CNBD1: variants seen among roughly 807,000 people sequenced by gnomAD.
CNBD1 encodes cyclic nucleotide binding domain containing 1.
CNBD1 carries 71 observed loss-of-function variants against 54.4 expected under a neutral mutation model. That is an observed-to-expected ratio of 1.30 (90% CI 1.08 to 1.59). The LOEUF is 1.59. Ranked by LOEUF, CNBD1 falls within the 40% of genes most tolerant of loss-of-function variation. CNBD1 has a pLI of 0.00. For synonymous variants in CNBD1, 182 were observed against 170.7 expected, an observed-to-expected ratio of 1.07 and a Z score of -0.51; for missense variants, 659 against 518.0, an observed-to-expected ratio of 1.27 and a Z score of -2.64.
At chr8:86,914,112 G>A (rs1235574561) in intron 3 of CNBD1, among the ~76,000 whole-genome samples, 1 of 152,026 alleles carries the variant, frequency 6.6e-6, no homozygotes, top group East Asian at 1.9e-4. Flanking sequence ...ATTTGTTATT[G>A]TTCAAACACA....
intron 6 of CNBD1, among the ~76,000 whole-genome samples, chr8:87,266,894 G>A (rs77983284): frequency 0.026 from 3,981 of 152,156 alleles, 63 homozygotes; most frequent in Non-Finnish European, 0.039. Flanking sequence ...CTTAATTTAG[G>A]CATCACATGC....
chr8:87,126,672 T>A (rs975371002), intron 4 of CNBD1, among the ~76,000 whole-genome samples: 5 of 152,002 alleles, frequency 3.3e-5, no homozygotes, highest in African/African-American at 1.2e-4. Context: ...CAGTTTTTTT[T>A]ATGGATTGCA....
chr8:87,094,827 C>T (rs548053326), intron 4 of CNBD1, among the ~76,000 whole-genome samples: 4 of 152,300 alleles, frequency 2.6e-5, no homozygotes, highest in African/African-American at 9.6e-5. Context: ...CACCTGAGGT[C>T]AGGAGTTCAA....
At chr8:87,226,424 G>A (rs1049966922) in intron 5 of CNBD1, among the ~76,000 whole-genome samples, 3 of 149,876 alleles carry the variant, frequency 2.0e-5, no homozygotes, top group South Asian at 2.1e-4. Context: ...GCGTCCCAGA[G>A]ATTCTGGTAT....
intron 2 of CNBD1, among the ~76,000 whole-genome samples, chr8:87,426,667 G>T (rs531143103): frequency 6.6e-6 from 1 of 152,012 alleles, no homozygotes; most frequent in African/African-American, 2.4e-5. Flanking sequence ...ATTGTGGCGC[G>T]GCTACCTATC....
intron 8 of CNBD1, among the ~76,000 whole-genome samples, chr8:87,298,692 G>C (rs1808929434): frequency 6.6e-6 from 1 of 151,672 alleles, no homozygotes; most frequent in Non-Finnish European, 1.5e-5. Flanking sequence ...CACCGTGTTG[G>C]CCAGGCTGGT....
At chr8:87,360,977 C>T (rs1353568809) in intron 10 of CNBD1, among the ~76,000 whole-genome samples, 1 of 151,916 alleles carries the variant, frequency 6.6e-6, no homozygotes, top group Non-Finnish European at 1.5e-5. Context: ...CCCAACACAT[C>T]AGCATTTCAC....
At chr8:87,241,388 A>C (rs1229219302) in intron 6 of CNBD1, among the ~76,000 whole-genome samples, 1 of 145,542 alleles carries the variant, frequency 6.9e-6, no homozygotes, top group African/African-American at 2.6e-5. Flanking sequence ...CTCCTGCTTC[A>C]GCCTCCCCAG....
intron 10 of CNBD1, among the ~76,000 whole-genome samples, chr8:87,372,790 G>A (rs890865939): frequency 2.0e-5 from 3 of 151,710 alleles, no homozygotes; most frequent in Admixed American, 6.6e-5. Flanking sequence ...TTCACTAGAT[G>A]TCTAGAACAA....
intron 4 of CNBD1, among the ~76,000 whole-genome samples, chr8:87,123,257 G>A (rs1811924908): frequency 6.6e-6 from 1 of 151,454 alleles, no homozygotes; most frequent in Admixed American, 6.6e-5. Flanking sequence ...ACATTCTCCA[G>A]GCATATATAT....
At chr8:87,088,866 A>G (rs1207742834) in intron 4 of CNBD1, among the ~76,000 whole-genome samples, 1 of 152,158 alleles carries the variant, frequency 6.6e-6, no homozygotes, top group African/African-American at 2.4e-5. Context: ...GAGAATCTCT[A>G]TCTTTAAAAA....
At chr8:86,996,698 G>A (rs539515003) in intron 4 of CNBD1, among the ~76,000 whole-genome samples, 1 of 152,132 alleles carries the variant, frequency 6.6e-6, no homozygotes. Context: ...TCACAAAGTT[G>A]GTACAATGAA....
intron 10 of CNBD1, among the ~76,000 whole-genome samples, chr8:87,354,876 T>A (rs1391572951): frequency 6.6e-6 from 1 of 152,176 alleles, no homozygotes; most frequent in African/African-American, 2.4e-5. Context: ...ACGTATGCAT[T>A]TGTCTTTATA....
At chr8:87,380,092 G>T (rs1199817151) in intron 10 of CNBD1, among the ~76,000 whole-genome samples, 1 of 151,852 alleles carries the variant, frequency 6.6e-6, no homozygotes, top group Non-Finnish European at 1.5e-5. Context: ...CCAAATATCT[G>T]TGTTTGCTTA....
At chr8:87,426,657 A>C (rs941821639) in intron 2 of CNBD1, among the ~76,000 whole-genome samples, 2 of 152,172 alleles carry the variant, frequency 1.3e-5, no homozygotes, top group Non-Finnish European at 2.9e-5. Context: ...CATTTGTAAA[A>C]TTGTGGCGCG....
intron 4 of CNBD1, among the ~76,000 whole-genome samples, chr8:86,944,103 G>T (rs1228932756): frequency 6.6e-6 from 1 of 152,158 alleles, no homozygotes; most frequent in Non-Finnish European, 1.5e-5. Flanking sequence ...CATGCAATTG[G>T]CAAAGGGGCA....
At chr8:87,423,746 T>A (rs982137753) in intron 2 of CNBD1, among the ~76,000 whole-genome samples, 1 of 151,694 alleles carries the variant, frequency 6.6e-6, no homozygotes, top group Admixed American at 6.6e-5. Context: ...TCTTTTTTGG[T>A]TGTGTCTCTG....
intron 4 of CNBD1, among the ~76,000 whole-genome samples, chr8:87,104,511 G>T (rs1401017746): frequency 1.3e-5 from 2 of 152,192 alleles, no homozygotes; most frequent in African/African-American, 4.8e-5. Context: ...CAAATATTCA[G>T]TGATTGAGGT....
At chr8:86,953,023 A>C (rs1341992168) in intron 4 of CNBD1, among the ~76,000 whole-genome samples, 1 of 152,226 alleles carries the variant, frequency 6.6e-6, no homozygotes, top group Non-Finnish European at 1.5e-5. Context: ...TTCACTCGGC[A>C]TAATTATTTG....
Sources: allele counts gnomAD v4.1 joint callset (sites outside exome capture counted in the v4.1 genomes callset), GRCh38; gene constraint gnomAD v4.1.1; transcripts MANE v1.5; gene names NCBI Gene and HGNC (gene_info 2026-07-23, HGNC 2026-07-21).